Variants in SOS2 observed in about 807,000 individuals in gnomAD.
The protein encoded by SOS2 is son of sevenless homolog 2.
SOS2 carries 65 observed loss-of-function variants against 148.2 expected under a neutral mutation model. The observed-to-expected ratio is 0.44, with a 90% CI of 0.36 to 0.54. The LOEUF (loss-of-function observed/expected upper bound fraction) is 0.54. Among genes scored for constraint, SOS2 ranks in the 20% least tolerant of loss-of-function variants. The pLI, the probability that SOS2 is intolerant of heterozygous loss-of-function variation, is 0.00. For synonymous variants in SOS2, 539 were observed against 537.1 expected, an observed-to-expected ratio of 1.00 and a Z score of -0.05; for missense variants, 1,341 against 1,590.2, an observed-to-expected ratio of 0.84 and a Z score of 2.67.
At position 50,118,701 on chromosome 14, in the gene SOS2, A is replaced by G. The variant is rs376033858; in HGVS notation, c.3642T>C (p.Asp1214=). 1.9e-6 allele frequency: 3 copies of G among 1,613,610 alleles called. No homozygotes were observed. In the African/African-American group the frequency reaches 4.0e-5, roughly 22 times the overall value. The change falls in exon 23 of 23, where the codon GAT becomes GAC. Residue 1214 remains aspartate (D), a synonymous_variant. Coordinates refer to ENST00000216373, the MANE Select transcript of SOS2 (RefSeq NM_006939.4). ...PPPPPRDPLP[D]TPPPVPLRPP... The stretch of plus-strand genomic sequence containing the variant: ...GCCGAAGGGGAACTGGTGGAGGGGT[A>G]TCAGGAAGAGGATCTCTTGGTGGTG...
chr14:50,122,168 A>T (rs529936886), intron 21 of SOS2, among the ~76,000 whole-genome samples: 1 of 152,266 alleles, frequency 6.6e-6, no homozygotes, highest in South Asian at 2.1e-4. Flanking sequence ...GTGAAATTTA[A>T]AAGGAGATAT....
At chr14:50,177,781 T>C (rs1227078439) in intron 7 of SOS2, among the ~76,000 whole-genome samples, 1 of 152,148 alleles carries the variant, frequency 6.6e-6, no homozygotes, top group Non-Finnish European at 1.5e-5. Flanking sequence ...GAATTTATAG[T>C]ACAGAAGGCA....
chr14:50,156,961 GTGTA>G, intron 12 of SOS2, 34 bp downstream of exon 12: 1 of 792,874 alleles, frequency 1.3e-6, no homozygotes, highest in South Asian at 1.8e-5. Flanking sequence ...GTATATATAT[GTGTA>G]TATATATATA....
At chr14:50,198,188 C>T (rs949518721) in intron 4 of SOS2, among the ~76,000 whole-genome samples, 2 of 151,984 alleles carry the variant, frequency 1.3e-5, no homozygotes, top group African/African-American at 4.8e-5. Context: ...CAAATGTATT[C>T]ATTTCCTGGA....
chr14:50,141,976 A>C (rs1287593386), intron 16 of SOS2, among the ~76,000 whole-genome samples: 1 of 151,880 alleles, frequency 6.6e-6, no homozygotes, highest in Admixed American at 6.6e-5. Flanking sequence ...TAGGCATTCA[A>C]TTTATGACAC....
chr14:50,152,897 G>A (rs758416961), intron 13 of SOS2, among the ~76,000 whole-genome samples, 173 bp downstream of exon 13: 13 of 151,944 alleles, frequency 8.6e-5, no homozygotes, highest in African/African-American at 9.7e-5. Flanking sequence ...CCTGGGAGGC[G>A]GAGGTTGCAG....
intron 14 of SOS2, among the ~76,000 whole-genome samples, chr14:50,146,272 T>C (rs995114144): frequency 6.6e-6 from 1 of 152,100 alleles, no homozygotes; most frequent in Non-Finnish European, 1.5e-5. Context: ...CAAGATCTCA[T>C]AGTACTGAAG....
intron 6 of SOS2, 72 bp from the exon 7 acceptor site, chr14:50,180,754 T>G (rs1885707311): frequency 2.4e-6 from 2 of 833,260 alleles, no homozygotes; most frequent in Non-Finnish European, 3.7e-6. Flanking sequence ...TACAGATTAT[T>G]ATCACTTGAT....
Position 50,153,124 on chromosome 14 carries a change from C to A in SOS2, c.2107G>T (p.Glu703Ter). Residue 703 changes from glutamate to a stop codon, truncating the protein, a stop_gained, in exon 13 of 23, where the codon GAA becomes TAA. Transcript: ENST00000216373. LOFTEE classifies it high-confidence loss of function. ...CTTTCAAGCAATTCCAAGTCTCTTTCAAAGTCATAAAAATGATGTTCAACC... is the reference window on the plus strand; with the variant it reads ...CTTTCAAGCAATTCCAAGTCTCTTTAAAAGTCATAAAAATGATGTTCAACC... ...HWVEHHFYDF[E>*]RDLELLERLE... 1 of 1,607,078 alleles carries A rather than the reference C, an allele frequency of 6.2e-7. No homozygotes were observed. Among genetic ancestry groups the A allele is most frequent in the South Asian group, 1.1e-5 (1 of 90,700 alleles).
At chr14:50,131,596 TAAG>T (rs1398977352) in intron 19 of SOS2, among the ~76,000 whole-genome samples, 2 of 152,164 alleles carry the variant, frequency 1.3e-5, no homozygotes, top group Non-Finnish European at 2.9e-5. Context: ...TTTGAGATAC[TAAG>T]AAGGATAACA....
intron 4 of SOS2, among the ~76,000 whole-genome samples, chr14:50,189,270 T>G (rs1886034809): frequency 7.3e-6 from 1 of 137,358 alleles, no homozygotes; most frequent in African/African-American, 2.8e-5. Flanking sequence ...AAATATGTAC[T>G]AATACATATG....
intron 1 of SOS2, among the ~76,000 whole-genome samples, chr14:50,214,898 C>T (rs923012417): frequency 6.7e-6 from 1 of 150,258 alleles, no homozygotes; most frequent in African/African-American, 2.5e-5. Flanking sequence ...TGCAGTGGCG[C>T]GATCTCAGCT....
intron 14 of SOS2, among the ~76,000 whole-genome samples, chr14:50,146,309 T>C (rs1347969491): frequency 6.6e-6 from 1 of 151,972 alleles, no homozygotes; most frequent in Admixed American, 6.6e-5. Flanking sequence ...ACTCAGCAAT[T>C]TGACTCTTAA....
chr14:50,182,522 T>C lies in SOS2; in HGVS notation c.799A>G (p.Met267Val). ...GGATGAGGACTGCTTTCATCAGTCA[T>C]TTCAACTGTGTCTTCAATCAAACCT... ...LLGLIEDTVE[M>V]TDESSPHPLA... Residue 267 changes from methionine to valine, a missense_variant, in exon 6 of 23, where the codon ATG becomes GTG. Around this residue, in one of 4 missense-constraint regions of SOS2, gnomAD observed 574 missense variants for 711.1 expected, o/e 0.81. Transcript: ENST00000216373. 1 of 1,613,576 alleles carries C rather than the reference T, an allele frequency of 6.2e-7. No individual in the cohort carries two copies. Among genetic ancestry groups the C allele is most frequent in the Non-Finnish European group, 8.5e-7 (1 of 1,179,488 alleles).
chr14:50,168,018 T>A (rs966001683), intron 8 of SOS2, among the ~76,000 whole-genome samples: 1 of 152,224 alleles, frequency 6.6e-6, no homozygotes, highest in African/African-American at 2.4e-5. Flanking sequence ...TCTTCCTCAA[T>A]GAACCTCATT....
chr14:50,205,380 A>G (rs1336376913), intron 1 of SOS2, among the ~76,000 whole-genome samples: 1 of 152,176 alleles, frequency 6.6e-6, no homozygotes, highest in Non-Finnish European at 1.5e-5. Context: ...ATGAAGTCAG[A>G]AGGATATCAG....
At position 50,153,162 on chromosome 14, in the gene SOS2, A is replaced by G; in HGVS notation, c.2069T>C (p.Val690Ala). ...ATGATGTTCAACCCAATGCCGAAAT[A>G]CATTTAAGATCCTGATAAAATGGAA... The part of the protein sequence containing the change: ...VQPVQLRILN[V>A]FRHWVEHHFY... The change falls in exon 13 of 23, where the codon GTA becomes GCA. Residue 690 changes from valine (V) to alanine (A), a missense_variant. Val to Ala is a moderately conservative substitution (Grantham distance 64). Coordinates refer to ENST00000216373, the MANE Select transcript of SOS2 (RefSeq NM_006939.4). The G allele has an allele frequency of 2.5e-6, 4 of 1,586,314 alleles. No homozygotes were observed. Among genetic ancestry groups the G allele is most frequent in the Non-Finnish European group, 3.5e-6 (4 of 1,158,220 alleles).
chr14:50,180,532 TTAAAAAA>T lies in SOS2; in HGVS notation c.969+33_969+39del, dbSNP rs79673429. The T allele has an allele frequency of 4.3e-5, 20 of 466,652 alleles. No individual in the cohort carries two copies. In the African/African-American group the frequency reaches 6.3e-4, roughly 15 times the overall value. 28.9% of individuals were successfully genotyped at this position (466,652 alleles called of 1,614,324 possible). A position where few individuals can be genotyped will look rare whatever the true frequency, so the allele number is the denominator to read the frequency against. On this transcript the variant is annotated intron_variant, in intron 7 of 22. Transcript: ENST00000216373. ...AATAGTGAGATATTTATTTGCTTTA[TTAAAAAA>T]AAAAAAAAAAAAAACCTTCAATTTA...
chr14:50,135,459 T>C (rs1041576933), intron 18 of SOS2, among the ~76,000 whole-genome samples: 3 of 151,260 alleles, frequency 2.0e-5, no homozygotes, highest in African/African-American at 4.8e-5. Context: ...AGAAATATCA[T>C]TGTTTACATT....
Sources: allele counts gnomAD v4.1 joint callset (sites outside exome capture counted in the v4.1 genomes callset), GRCh38; gene constraint gnomAD v4.1.1; regional missense constraint gnomAD v4.1.1; transcripts MANE v1.5; gene names NCBI Gene and HGNC (gene_info 2026-07-23, HGNC 2026-07-21).